The following PDLIM1 variants were observed in gnomAD, a reference collection of about 807,000 sequenced individuals.
The protein encoded by PDLIM1 is PDZ and LIM domain protein 1.
Under a neutral mutation model 35.2 loss-of-function variants are expected in PDLIM1, and 25 were observed. The observed-to-expected ratio is 0.71, with a 90% CI of 0.52 to 0.99. The LOEUF (loss-of-function observed/expected upper bound fraction) is 0.99. Among genes scored for constraint, PDLIM1 ranks in the 50% least tolerant of loss-of-function variants. The probability of loss-of-function intolerance (pLI) is 0.00; values close to 1 mark genes in which losing one functional copy is unlikely to be tolerated. For synonymous variants in PDLIM1, 152 were observed against 154.0 expected (o/e 0.99, Z 0.10); for missense variants, 363 against 415.3 (o/e 0.87, Z 1.09).
intron 1 of PDLIM1, among the ~76,000 whole-genome samples, chr10:95,286,420 ATTTTAT>A (rs2035602705): frequency 6.6e-6 from 1 of 151,794 alleles, no homozygotes; most frequent in African/African-American, 2.4e-5. Context: ...CTTGCTTATT[ATTTTAT>A]TTTATCTTTA....
chr10:95,241,863 C>T (rs905281802), intron 5 of PDLIM1, among the ~76,000 whole-genome samples: 23 of 152,218 alleles, frequency 1.5e-4, no homozygotes, highest in African/African-American at 4.1e-4. Context: ...CACAGCTATC[C>T]GGTAGCCCTC....
intron 1 of PDLIM1, among the ~76,000 whole-genome samples, chr10:95,287,481 G>T (rs543095877): frequency 6.6e-6 from 1 of 152,262 alleles, no homozygotes; most frequent in East Asian, 1.9e-4. Flanking sequence ...GGACTCCAGA[G>T]ACAAATGAGC....
At chr10:95,240,483 G>C (rs1273247696) in intron 5 of PDLIM1, among the ~76,000 whole-genome samples, 2 of 152,150 alleles carry the variant, frequency 1.3e-5, no homozygotes, top group Non-Finnish European at 2.9e-5. Flanking sequence ...GACACACTAG[G>C]GCCTGTCAGA....
intron 4 of PDLIM1, among the ~76,000 whole-genome samples, chr10:95,256,986 A>AAAAGAAAG (rs71034327): frequency 0.11 from 6,652 of 61,506 alleles, 542 homozygotes; most frequent in East Asian, 0.21. Context: ...AAAAAAAAAA[A>AAAAGAAAG]AAAGAAAGAA....
At position 95,267,333 on chromosome 10, in the gene PDLIM1, G is replaced by A. The variant is rs111410979; in HGVS notation, c.333+1445C>T. On this transcript the variant is annotated intron_variant, in intron 3 of 6. Transcript: ENST00000329399. Reference sequence around the variant, plus strand: ...AAGTTAAAACGAAATCATTCCTTGTGTGTTATAAAATATGTAAAAATTAAA... The same window carrying A: ...AAGTTAAAACGAAATCATTCCTTGTATGTTATAAAATATGTAAAAATTAAA... Among the ~76,000 whole-genome samples the A allele has an allele frequency of 1.7e-3, 253 of 152,232 alleles. 2 individuals carry two copies. The highest frequency in any genetic ancestry group is 5.8e-3 in the African/African-American group (242 of 41,532).
intron 1 of PDLIM1, among the ~76,000 whole-genome samples, chr10:95,282,612 G>A (rs1589520488): frequency 6.6e-6 from 1 of 152,280 alleles, no homozygotes; most frequent in South Asian, 2.1e-4. Flanking sequence ...TAATAAAACA[G>A]GTAGCCAAAT....
chr10:95,253,946 C>T (rs1044823401), intron 4 of PDLIM1, among the ~76,000 whole-genome samples: 1 of 151,866 alleles, frequency 6.6e-6, no homozygotes, highest in Admixed American at 6.6e-5. Context: ...TATATATACA[C>T]AATGTAATAC....
intron 5 of PDLIM1, among the ~76,000 whole-genome samples, chr10:95,244,595 C>G (rs1222693757): frequency 1.3e-5 from 2 of 152,180 alleles, no homozygotes; most frequent in Non-Finnish European, 2.9e-5. Context: ...ACCATTTTAT[C>G]TCAAATAAAA....
intron 5 of PDLIM1, among the ~76,000 whole-genome samples, chr10:95,242,643 C>T (rs914428387): frequency 1.3e-5 from 2 of 151,090 alleles, no homozygotes; most frequent in African/African-American, 4.9e-5. Context: ...GACGAGATCA[C>T]GCCACTGCAC....
chr10:95,238,280 T>C (rs987816667), intron 6 of PDLIM1, among the ~76,000 whole-genome samples, 169 bp from the exon 7 acceptor site: 3 of 152,198 alleles, frequency 2.0e-5, no homozygotes, highest in Non-Finnish European at 4.4e-5. Flanking sequence ...AGGGACTTGC[T>C]TCTCCTTCCC....
At position 95,250,003 on chromosome 10, in the gene PDLIM1, G is replaced by C. The variant is rs1297310753; in HGVS notation, c.534-2637C>G. Among the ~76,000 whole-genome samples the C allele has an allele frequency of 3.3e-5, 5 of 152,168 alleles. No homozygotes were observed. In the East Asian group the frequency reaches 9.6e-4, roughly 29 times the overall value. ...GGAACTGTGGGTGCCTCTCAGGGCA[G>C]GCAATGGGGCCACCTGGGGGAGTTG... is the stretch of plus-strand genomic sequence containing the variant. On this transcript the variant is annotated intron_variant, in intron 4 of 6. Coordinates refer to ENST00000329399, the MANE Select transcript of PDLIM1 (RefSeq NM_020992.4).
intron 4 of PDLIM1, among the ~76,000 whole-genome samples, chr10:95,252,408 C>T (rs768082660): frequency 6.0e-4 from 92 of 152,154 alleles, no homozygotes; most frequent in Admixed American, 9.2e-4. Context: ...GGCAGCATCC[C>T]CAATCCCATA....
chr10:95,263,683 T>C (rs2035385626), intron 4 of PDLIM1, among the ~76,000 whole-genome samples, 181 bp downstream of exon 4: 1 of 152,222 alleles, frequency 6.6e-6, no homozygotes. Flanking sequence ...ACAGACACCC[T>C]ATAAAGCAGG....
chr10:95,265,555 A>G (rs1422697826), intron 3 of PDLIM1, among the ~76,000 whole-genome samples: 3 of 134,738 alleles, frequency 2.2e-5, no homozygotes, highest in Admixed American at 8.8e-5. Flanking sequence ...AGATTGTACC[A>G]TTGCACCCCA....
At chr10:95,257,010 G>GAAAGAAAGAAAGAAAGA (rs1564600735) in intron 4 of PDLIM1, among the ~76,000 whole-genome samples, 3 of 106,594 alleles carry the variant, frequency 2.8e-5, no homozygotes, top group African/African-American at 9.0e-5. Context: ...AAGAAAGAAA[G>GAAAGAAAGAAAGAAAGA]AAAGAAAGAA....
chr10:95,281,941 C>T (rs985483361), intron 1 of PDLIM1, among the ~76,000 whole-genome samples: 1 of 152,334 alleles, frequency 6.6e-6, no homozygotes, highest in South Asian at 2.1e-4. Context: ...CTTTCCTCTT[C>T]CATGTTCCAA....
In PDLIM1 at chr10:95,263,963, T is replaced by C. The variant is rs1419589709; in HGVS notation, c.434A>G (p.Asn145Ser). ...AGAAGAGTAGAGGCCAGCTGGGTTG[T>C]TGTACTGGTTTGTGATGACCCTGGC... is the stretch of plus-strand genomic sequence containing the variant. Reference protein sequence around the residue: ...TTARVITNQYNNPAGLYSSEN... With the variant: ...TTARVITNQYSNPAGLYSSEN... Residue 145 changes from asparagine to serine, a missense_variant, in exon 4 of 7, where the codon AAC becomes AGC. Transcript: ENST00000329399. 6.2e-7 allele frequency: 1 copy of C among 1,613,846 alleles called. No individual in the cohort carries two copies. The highest frequency in any genetic ancestry group is 8.5e-7 in the Non-Finnish European group (1 of 1,179,884).
At chr10:95,238,461 G>T (rs1329583682) in intron 6 of PDLIM1, 107 bp downstream of exon 6, 1 of 776,320 alleles carries the variant, frequency 1.3e-6, no homozygotes, top group Non-Finnish European at 2.3e-6. Flanking sequence ...TTCCAGGAGG[G>T]ATTTGTCTCC....
chr10:95,268,042 T>C (rs923864783), intron 3 of PDLIM1, among the ~76,000 whole-genome samples: 1 of 152,168 alleles, frequency 6.6e-6, no homozygotes, highest in Non-Finnish European at 1.5e-5. Context: ...GTCCCTTATT[T>C]CAAAAACAAT....
Sources: gnomAD v4.1 joint callset for allele counts (sites outside exome capture counted in the v4.1 genomes callset) on GRCh38, gnomAD v4.1.1 for gene constraint, MANE v1.5 for transcripts, NCBI Gene and HGNC (gene_info 2026-07-23, HGNC 2026-07-21) for gene names.